Variants in DUS2 observed in about 807,000 individuals in gnomAD.
The protein encoded by DUS2 is dihydrouridine synthase 2, also known as tRNA-dihydrouridine(20) synthase [NAD(P)+]-like.
Under a neutral mutation model 71.3 loss-of-function variants are expected in DUS2, and 52 were observed. That is an observed-to-expected ratio of 0.73 (90% CI 0.58 to 0.92). The LOEUF is 0.92. Among genes scored for constraint, DUS2 ranks in the 40% least tolerant of loss-of-function variants. DUS2 has a pLI of 0.00. For missense variants in DUS2, 558 were observed against 622.6 expected, an observed-to-expected ratio of 0.90 and a Z score of 1.10; for synonymous variants, 204 against 227.8, an observed-to-expected ratio of 0.90 and a Z score of 0.94.
chr16:68,073,954 G>T, intron 12 of DUS2, 80 bp from the exon 13 acceptor site: 1 of 1,573,732 alleles, frequency 6.4e-7, no homozygotes, highest in Non-Finnish European at 8.7e-7. Flanking sequence ...TGCCTTCTTG[G>T]AGCTCCTTTC....
In DUS2 at chr16:68,070,192, G is replaced by C. The variant is rs1415803736; in HGVS notation, c.613G>C (p.Asp205His). ...VSCEVIKAIA[D>H]TLSIPVIANG... is the part of the protein sequence containing the mutation. ...CTGTGAAGTCATCAAAGCCATTGCT[G>C]ATACCCTCTCCATTCCTGTCATAGC... is the stretch of plus-strand genomic sequence containing the variant. Residue 205 changes from aspartate (D) to histidine (H), a missense_variant, in exon 11 of 17, where the codon GAT (aspartate) becomes CAT (histidine). By Grantham distance (81) the Asp-to-His change is moderately conservative. Transcript: ENST00000565263. 1 of 1,614,174 alleles carries C rather than the reference G, an allele frequency of 6.2e-7. No homozygotes were observed. The highest frequency in any genetic ancestry group is 1.1e-5 in the South Asian group (1 of 91,084).
At chr16:68,075,235 C>G in intron 13 of DUS2, 120 bp from the exon 14 acceptor site, 1 of 934,544 alleles carries the variant, frequency 1.1e-6, no homozygotes, top group Non-Finnish European at 1.5e-6. Flanking sequence ...GGCCAGGCCC[C>G]GGTGGTGTTT....
chr16:68,078,614 A>C, intron 16 of DUS2, 96 bp downstream of exon 16: 1 of 1,513,752 alleles, frequency 6.6e-7, no homozygotes, highest in Non-Finnish European at 9.1e-7. Context: ...GGTTGGGTAG[A>C]TGGTATATGT....
At chr16:68,070,262 GC>G in intron 11 of DUS2, 42 bp downstream of exon 11, 3 of 1,593,848 alleles carry the variant, frequency 1.9e-6, no homozygotes, top group Non-Finnish European at 2.6e-6. Flanking sequence ...GTCCCACAGA[GC>G]TAAGGGCTGG....
rs1015152281 is a variant in DUS2, at chr16:68,060,722, C to T, written c.370-344C>T. On this transcript the variant is annotated intron_variant, in intron 7 of 16. Transcript: ENST00000565263. The stretch of plus-strand genomic sequence containing the variant: ...AATTAGCTAGGTGTGGTTGTGCATG[C>T]CTGCAATCCTGGCTACTCAGGATGC... Among the ~76,000 whole-genome samples, 7 of 152,100 alleles carry T rather than the reference C, an allele frequency of 4.6e-5. No individual in the cohort carries two copies. The East Asian group carries it at 5.8e-4, about 13-fold the overall frequency.
intron 2 of DUS2, among the ~76,000 whole-genome samples, chr16:68,028,098 A>G (rs747178908): frequency 8.5e-5 from 13 of 152,146 alleles, no homozygotes; most frequent in Non-Finnish European, 5.9e-5. Context: ...TGTTTTGCGT[A>G]TCATATCTTT....
chr16:68,049,137 C>T (rs981041620), intron 3 of DUS2, among the ~76,000 whole-genome samples: 2 of 152,122 alleles, frequency 1.3e-5, no homozygotes, highest in Non-Finnish European at 2.9e-5. Context: ...CACTGCCTGC[C>T]CTTTGCTGAG....
intron 6 of DUS2, among the ~76,000 whole-genome samples, chr16:68,056,109 C>T (rs2033847752): frequency 6.6e-6 from 1 of 152,056 alleles, no homozygotes; most frequent in African/African-American, 2.4e-5. Flanking sequence ...TAGCAAAGCC[C>T]TCTTCATCTA....
At chr16:68,056,824 ATATATAATGTTATATAT>A (rs1436495497) in intron 7 of DUS2, among the ~76,000 whole-genome samples, 6 of 146,004 alleles carry the variant, frequency 4.1e-5, no homozygotes, top group Non-Finnish European at 9.0e-5. Flanking sequence ...ATTATATATT[ATATATAATGTTATATAT>A]TATATAATGT....
chr16:68,038,534 A>T (rs2033569230), intron 3 of DUS2, among the ~76,000 whole-genome samples: 1 of 152,060 alleles, frequency 6.6e-6, no homozygotes, highest in Non-Finnish European at 1.5e-5. Context: ...GTTCGAGACC[A>T]GTCTGGCCAA....
At position 68,075,419 on chromosome 16, in the gene DUS2, A is replaced by G. The variant is rs1171529783; in HGVS notation, c.997A>G (p.Arg333Gly). ...ACAGGAGCTGGATGCCCAGCAGGCC[A>G]GGCTCTCAGCCAAGACTTCAGAGCA... ...TTQELDAQQA[R>G]LSAKTSEQTG... is the part of the protein sequence containing the mutation. The change falls in exon 14 of 17, where the codon AGG (arginine) becomes GGG (glycine). Residue 333 changes from arginine to glycine, a missense_variant. Physicochemically the swap from Arg to Gly is moderately radical, Grantham distance 125 (BLOSUM62 -2). Coordinates refer to ENST00000565263, the MANE Select transcript of DUS2 (RefSeq NM_017803.5). The G allele has an allele frequency of 6.2e-7, 1 of 1,613,806 alleles. No individual in the cohort carries two copies. The highest frequency in any genetic ancestry group is 2.2e-5 in the East Asian group (1 of 44,886).
At position 68,043,190 on chromosome 16, in the gene DUS2, C is replaced by T. The variant is rs560479972; in HGVS notation, c.126+5041C>T. Among the ~76,000 whole-genome samples the T allele has an allele frequency of 6.6e-5, 10 of 152,056 alleles. No homozygotes were observed. The South Asian group carries it at 1.5e-3, about 22-fold the overall frequency. On this transcript the variant is annotated intron_variant, in intron 3 of 16. Transcript: ENST00000565263. ...TTGAGAGGCCGACTCAGGTGGATCA[C>T]GAGGTCAGGAGTTTGAGACCAGCCT... is the stretch of plus-strand genomic sequence containing the variant.
chr16:68,070,290 G>C, intron 11 of DUS2, 70 bp downstream of exon 11: 1 of 1,476,558 alleles, frequency 6.8e-7, no homozygotes, highest in South Asian at 1.1e-5. Flanking sequence ...GCCAGGCCCA[G>C]CCTTCCCTAG....
intron 16 of DUS2, 35 bp downstream of exon 16, chr16:68,078,553 G>A: frequency 2.5e-6 from 4 of 1,605,678 alleles, no homozygotes; most frequent in Non-Finnish European, 3.4e-6. Flanking sequence ...GAGGCTTGGG[G>A]TGGGGCGGAG....
At position 68,079,161 on chromosome 16, in the gene DUS2, C is replaced by T. The variant is rs1320655232; in HGVS notation, c.*175C>T. The T allele has an allele frequency of 2.1e-5, 11 of 521,030 alleles. No individual in the cohort carries two copies. Among genetic ancestry groups the T allele is most frequent in the Non-Finnish European group, 2.9e-5 (9 of 306,934 alleles). The allele number at this position is 521,030 out of a possible 1,614,324, so 32.3% of individuals were successfully genotyped here. A position where few individuals can be genotyped will look rare whatever the true frequency, so the allele number is the denominator to read the frequency against. The stretch of plus-strand genomic sequence containing the variant: ...GACCAGGGGCCGCCCAGGGGTGGAT[C>T]CTGGCCCCTTTGGTGGATCTGAGTG... On this transcript the variant is annotated 3_prime_UTR_variant, in exon 17 of 17. Coordinates refer to ENST00000565263, the MANE Select transcript of DUS2 (RefSeq NM_017803.5).
chr16:68,061,174 A>G (rs2033935361), intron 8 of DUS2, 61 bp downstream of exon 8: 3 of 1,537,398 alleles, frequency 2.0e-6, no homozygotes, highest in East Asian at 2.3e-5. Context: ...AGAATTGTCT[A>G]GAACGCCTCC....
intron 1 of DUS2, chr16:68,023,977 G>A (rs55682260): frequency 0.13 from 22,004 of 167,056 alleles, 1,562 homozygotes; most frequent in South Asian, 0.19. Context: ...GTAGTAAGAA[G>A]GGTGCTGCGA....
At chr16:68,043,900 A>G (rs1172996156) in intron 3 of DUS2, among the ~76,000 whole-genome samples, 1 of 152,074 alleles carries the variant, frequency 6.6e-6, no homozygotes, top group Non-Finnish European at 1.5e-5. Context: ...CCTGGCCTCA[A>G]GTGATCCTCC....
intron 2 of DUS2, among the ~76,000 whole-genome samples, chr16:68,030,797 T>G (rs2033425774): frequency 6.6e-6 from 1 of 152,024 alleles, no homozygotes; most frequent in Non-Finnish European, 1.5e-5. Context: ...AGTTGCACAA[T>G]CATGGCTCAC....
Sources: allele counts gnomAD v4.1 joint callset (sites outside exome capture counted in the v4.1 genomes callset), GRCh38; gene constraint gnomAD v4.1.1; transcripts MANE v1.5; gene names NCBI Gene and HGNC (gene_info 2026-07-23, HGNC 2026-07-21).